Variants in C14orf39 observed in about 807,000 individuals in gnomAD.
C14orf39 encodes chromosome 14 open reading frame 39.
A neutral mutation model predicts 85.6 loss-of-function variants in C14orf39; 66 were observed. That is an observed-to-expected ratio of 0.77 (90% CI 0.63 to 0.95). The LOEUF is 0.95. C14orf39 is among the 40% of genes least tolerant of loss of function. C14orf39 has a pLI of 0.00. For missense variants in C14orf39, 735 were observed against 663.9 expected (o/e 1.11, Z -1.18); for synonymous variants, 242 against 214.0 (o/e 1.13, Z -1.14).
intron 1 of C14orf39, among the ~76,000 whole-genome samples, chr14:60,513,604 A>G (rs947957910): frequency 7.2e-5 from 11 of 152,218 alleles, no homozygotes; most frequent in African/African-American, 2.6e-4. Flanking sequence ...TTGTTGGCAA[A>G]TTTTCTCTTA....
rs140414404 is a variant in C14orf39 at position 60,461,559 on chromosome 14, T to C, written c.1007A>G (p.Lys336Arg). Residue 336 changes from lysine (K) to arginine (R), a missense_variant, in exon 12 of 18, where the codon AAA (lysine) becomes AGA (arginine). Transcript: ENST00000321731. ...TGTGATAGTCGTAATATGTGAACAT[T>C]TTGAATGGTTATCCACAGCAGAGTC... ...FNDSAVDNHS[K>R]CSHITTITSS... is the part of the protein sequence containing the mutation. The C allele has an allele frequency of 4.5e-5, 72 of 1,585,050 alleles. No individual in the cohort carries two copies. The highest frequency in any genetic ancestry group is 5.9e-5 in the Non-Finnish European group (69 of 1,169,468).
chr14:60,506,581 A>C (rs1453829790), intron 1 of C14orf39, among the ~76,000 whole-genome samples: 1 of 152,162 alleles, frequency 6.6e-6, no homozygotes, highest in Non-Finnish European at 1.5e-5. Flanking sequence ...AGTGATTCCA[A>C]GGTGCCCTGG....
intron 13 of C14orf39, 145 bp from the exon 14 acceptor site, chr14:60,458,884 G>C: frequency 3.6e-6 from 2 of 554,850 alleles, no homozygotes; most frequent in Middle Eastern, 3.9e-4. Flanking sequence ...AATACATACA[G>C]ATAAGAGAAT....
chr14:60,452,408 A>C (rs1368961504), intron 16 of C14orf39, among the ~76,000 whole-genome samples: 3 of 152,082 alleles, frequency 2.0e-5, no homozygotes, highest in African/African-American at 7.2e-5. Flanking sequence ...AAAGACAAAC[A>C]ACATATTCTC....
chr14:60,493,286 G>A (rs571829382), intron 2 of C14orf39, among the ~76,000 whole-genome samples: 1 of 151,980 alleles, frequency 6.6e-6, no homozygotes, highest in South Asian at 2.1e-4. Context: ...TTTTTTTAAG[G>A]TACACTCAAA....
chr14:60,500,539 A>G (rs965310397), intron 1 of C14orf39, among the ~76,000 whole-genome samples: 4 of 152,244 alleles, frequency 2.6e-5, no homozygotes, highest in Admixed American at 1.3e-4. Context: ...TTAAACATCA[A>G]TAGGGACTGG....
At chr14:60,453,067 G>GTACA (rs1891110827) in intron 16 of C14orf39, among the ~76,000 whole-genome samples, 1 of 152,066 alleles carries the variant, frequency 6.6e-6, no homozygotes, top group African/African-American at 2.4e-5. Flanking sequence ...AGGTCAATTA[G>GTACA]ATCAAGGTGA....
chr14:60,482,457 A>G (rs1289408860), intron 4 of C14orf39, among the ~76,000 whole-genome samples: 2 of 152,186 alleles, frequency 1.3e-5, no homozygotes. Context: ...TAAAAGTAAT[A>G]GTCTTTATAA....
At chr14:60,503,605 A>C (rs1893171595) in intron 1 of C14orf39, among the ~76,000 whole-genome samples, 1 of 152,242 alleles carries the variant, frequency 6.6e-6, no homozygotes, top group Non-Finnish European at 1.5e-5. Flanking sequence ...TCATTTATAA[A>C]ATAGAGAGAC....
chr14:60,473,835 G>A (rs896287671), intron 5 of C14orf39, among the ~76,000 whole-genome samples: 2 of 152,124 alleles, frequency 1.3e-5, no homozygotes, highest in Non-Finnish European at 2.9e-5. Flanking sequence ...GTCAGGTAGT[G>A]TGATGCCTCC....
Position 60,448,695 on chromosome 14 carries a change from G to A in C14orf39, c.1503+6306C>T, listed in dbSNP as rs1051987715. Among the ~76,000 whole-genome samples the A allele has an allele frequency of 3.9e-5, 6 of 152,206 alleles. No homozygotes were observed. In the East Asian group the frequency reaches 7.7e-4, roughly 20 times the overall value. On this transcript the variant is annotated intron_variant, in intron 16 of 17. Transcript: ENST00000321731. ...CCCATTACTGGGTATATACCCAAAG[G>A]ATTATAAATCATGCTGCTATAAAGA...
At chr14:60,494,792 T>C (rs1245175242) in intron 2 of C14orf39, 2 of 152,412 alleles carry the variant, frequency 1.3e-5, no homozygotes, top group Non-Finnish European at 2.9e-5. Flanking sequence ...AGCCATCATG[T>C]AGTTAGAGTA....
chr14:60,446,785 A>G (rs902674809), intron 16 of C14orf39, among the ~76,000 whole-genome samples: 1 of 152,338 alleles, frequency 6.6e-6, no homozygotes, highest in East Asian at 1.9e-4. Context: ...ATGAACATCA[A>G]TGTGAAAATC....
intron 1 of C14orf39, among the ~76,000 whole-genome samples, chr14:60,508,374 G>A (rs944713637): frequency 6.6e-6 from 1 of 152,152 alleles, no homozygotes; most frequent in African/African-American, 2.4e-5. Flanking sequence ...CATTAAACTG[G>A]GGGAGGGGGA....
chr14:60,471,104 G>C (rs1390836649), intron 7 of C14orf39, among the ~76,000 whole-genome samples: 1 of 151,826 alleles, frequency 6.6e-6, no homozygotes, highest in Non-Finnish European at 1.5e-5. Context: ...ATTCTAACAA[G>C]TAATAAGCAA....
intron 9 of C14orf39, among the ~76,000 whole-genome samples, chr14:60,467,515 T>A (rs575739569): frequency 6.6e-6 from 1 of 151,886 alleles, no homozygotes; most frequent in Admixed American, 6.6e-5. Flanking sequence ...CTAAATTTTA[T>A]CTAAATTGAA....
chr14:60,441,559 T>A (rs1890512700), intron 17 of C14orf39, among the ~76,000 whole-genome samples: 2 of 152,234 alleles, frequency 1.3e-5, no homozygotes, highest in South Asian at 4.1e-4. Flanking sequence ...ATTTGACTAT[T>A]TTCAGTTTAT....
intron 4 of C14orf39, among the ~76,000 whole-genome samples, chr14:60,481,492 A>T (rs535558093): frequency 1.1e-4 from 17 of 151,310 alleles, no homozygotes; most frequent in African/African-American, 3.4e-4. Context: ...CTCCATCTCT[A>T]TTTTTTTTTA....
rs150612260 is a variant in C14orf39 at position 60,447,210 on chromosome 14, C to T, written c.1504-5079G>A. On this transcript the variant is annotated intron_variant, in intron 16 of 17. Coordinates refer to ENST00000321731, the MANE Select transcript of C14orf39 (RefSeq NM_174978.3). ...GGAAGTTCTGGCCAGGGCAATCAGG[C>T]AAGAGAAAGAAATAAAGGGTATTCG... Among the ~76,000 whole-genome samples, 441 of 152,392 alleles carry T rather than the reference C, an allele frequency of 2.9e-3. 1 individual carries two copies. The highest frequency in any genetic ancestry group is 0.01 in the African/African-American group (424 of 41,582).
Sources: allele counts gnomAD v4.1 joint callset (sites outside exome capture counted in the v4.1 genomes callset), GRCh38; gene constraint gnomAD v4.1.1; transcripts MANE v1.5; gene names NCBI Gene and HGNC (gene_info 2026-07-23, HGNC 2026-07-21).